Variants in KIDINS220 observed in about 807,000 individuals in gnomAD.
KIDINS220 encodes kinase D interacting substrate 220, also known as kinase D-interacting substrate of 220 kDa.
A neutral mutation model predicts 157.6 loss-of-function variants in KIDINS220; 63 were observed. The ratio of observed to expected loss-of-function variants is 0.40; its 90% CI spans 0.33 to 0.49. KIDINS220 has a LOEUF of 0.49. KIDINS220 is among the 20% of genes least tolerant of loss of function. The pLI, the probability that KIDINS220 is intolerant of heterozygous loss-of-function variation, is 0.66. For missense variants in KIDINS220, 1,772 were observed against 2,171.2 expected (o/e 0.82, Z 3.65); for synonymous variants, 732 against 783.6 (o/e 0.93, Z 1.10).
In KIDINS220 at chr2:8,770,789, C is replaced by T. The variant is rs754741657; in HGVS notation, c.2892G>A (p.Arg964=). ...CAGTAAGGTTGATCCAGCTAGCAAGCCTGTCCCAGTTGAAACTAATCTGAT... is the reference window on the plus strand; with the variant it reads ...CAGTAAGGTTGATCCAGCTAGCAAGTCTGTCCCAGTTGAAACTAATCTGAT... ...RANQISFNWD[R]LASWINLTEQ... is the part of the protein sequence containing the mutation. Residue 964 remains arginine (R), a synonymous_variant, in exon 22 of 30, where the codon AGG becomes AGA. Transcript: ENST00000256707. 5.0e-6 allele frequency: 8 copies of T among 1,611,660 alleles called. No individual in the cohort carries two copies. Among genetic ancestry groups the T allele is most frequent in the Non-Finnish European group, 6.8e-6 (8 of 1,178,708 alleles).
chr2:8,800,032 G>A (rs1445214505), intron 9 of KIDINS220, among the ~76,000 whole-genome samples: 1 of 151,994 alleles, frequency 6.6e-6, no homozygotes, highest in Non-Finnish European at 1.5e-5. Flanking sequence ...GGAGGAAGAA[G>A]ACAAAACAGG....
Position 8,750,283 on chromosome 2 carries a change from C to A in KIDINS220, c.3243G>T (p.Pro1081=). 6.2e-7 allele frequency: 1 copy of A among 1,612,942 alleles called. No individual in the cohort carries two copies. Among genetic ancestry groups the A allele is most frequent in the Non-Finnish European group, 8.5e-7 (1 of 1,179,458 alleles). ...TAGGAGGACCCTCATGTAGAGGGAG[C>A]GGGGGGTACGCCAGTCCTCCAATAC... ...QISIGGLAYP[P]LPLHEGPPRA... Residue 1081 remains proline, a synonymous_variant, in exon 24 of 30, where the codon CCG becomes CCT. Coordinates refer to ENST00000256707, the MANE Select transcript of KIDINS220 (RefSeq NM_020738.4).
chr2:8,820,099 C>A (rs549950395), intron 2 of KIDINS220, among the ~76,000 whole-genome samples: 1 of 152,248 alleles, frequency 6.6e-6, no homozygotes, highest in East Asian at 1.9e-4. Context: ...ACATCCTTAC[C>A]CAAGCTGACA....
At chr2:8,803,285 A>G (rs949157688) in intron 7 of KIDINS220, among the ~76,000 whole-genome samples, 158 bp from the exon 8 acceptor site, 1 of 152,220 alleles carries the variant, frequency 6.6e-6, no homozygotes, top group East Asian at 1.9e-4. Flanking sequence ...AATAAATAGC[A>G]AGAAACATAC....
chr2:8,831,803 T>C (rs879406918), intron 1 of KIDINS220, among the ~76,000 whole-genome samples: 4 of 152,164 alleles, frequency 2.6e-5, no homozygotes, highest in Non-Finnish European at 5.9e-5. Flanking sequence ...CTAACATAAA[T>C]GCAACAATTT....
chr2:8,724,593 T>A (rs1663160235), downstream of KIDINS220: 1 of 152,144 alleles, frequency 6.6e-6, no homozygotes, highest in African/African-American at 2.4e-5. This position sits in a 1 kb window ranked among gnomAD's most constrained non-coding sequence, Gnocchi z 4.6. Flanking sequence ...CTCTCAGAGT[T>A]GCCCCCCTAG....
chr2:8,800,586 A>AT (rs1181958685), intron 8 of KIDINS220, 88 bp from the exon 9 acceptor site: 5 of 963,652 alleles, frequency 5.2e-6, no homozygotes, highest in African/African-American at 3.3e-5. Context: ...ATGTTTTCAT[A>AT]TTTTTTTCTA....
At chr2:8,831,646 C>G (rs1192699736) in intron 1 of KIDINS220, among the ~76,000 whole-genome samples, 1 of 152,298 alleles carries the variant, frequency 6.6e-6, no homozygotes, top group East Asian at 1.9e-4. Flanking sequence ...ATTTTACTCA[C>G]TCTCTCCACA....
At position 8,785,768 on chromosome 2, in the gene KIDINS220, G is replaced by C. The variant is rs1672312981; in HGVS notation, c.2202C>G (p.His734Gln). The C allele has an allele frequency of 6.2e-7, 1 of 1,609,184 alleles. No homozygotes were observed. The highest frequency in any genetic ancestry group is 8.5e-7 in the Non-Finnish European group (1 of 1,178,926). The change falls in exon 17 of 30, where the codon CAC becomes CAG. Residue 734 changes from histidine to glutamine, a missense_variant. Physicochemically the swap from His to Gln is conservative, Grantham distance 24. Transcript: ENST00000256707. The stretch of plus-strand genomic sequence containing the variant: ...TCATGAATCCTTCACTTTTCAATTT[G>C]TGCAGTTTGGAGGCTGCATTATGGA... ...KRLHNAASKL[H>Q]KLKSEGFMKV... is the part of the protein sequence containing the mutation.
intron 1 of KIDINS220, among the ~76,000 whole-genome samples, chr2:8,836,726 C>A (rs992732430): frequency 2.6e-5 from 4 of 152,098 alleles, no homozygotes; most frequent in Non-Finnish European, 2.9e-5. Context: ...TGGACAGGAA[C>A]GAACCTGAAG....
In KIDINS220 at chr2:8,737,184, T is replaced by C. The variant is rs894641873; in HGVS notation, c.3586-185A>G. The C allele has an allele frequency of 2.2e-5, 12 of 544,810 alleles. No individual in the cohort carries two copies. In the Admixed American group the frequency reaches 2.3e-4, roughly 10 times the overall value. 33.7% of individuals were successfully genotyped at this position (544,810 alleles called of 1,614,324 possible). On this transcript the variant is annotated intron_variant, in intron 26 of 29. Transcript: ENST00000256707. ...TTAGTTACTGTTATAACCTAATGAG[T>C]AGCTTTTATTACAGCTGATACAGCC... is the stretch of plus-strand genomic sequence containing the variant.
intron 1 of KIDINS220, among the ~76,000 whole-genome samples, chr2:8,836,790 TA>T (rs1680475711): frequency 6.6e-6 from 1 of 152,150 alleles, no homozygotes; most frequent in Non-Finnish European, 1.5e-5. Context: ...TCTAAAACGC[TA>T]AGAAATCTAC....
chr2:8,827,804 ATAATT>A (rs1679035809), intron 1 of KIDINS220, among the ~76,000 whole-genome samples: 1 of 152,238 alleles, frequency 6.6e-6, no homozygotes, highest in East Asian at 1.9e-4. Context: ...CTAAATATAT[ATAATT>A]TGTCAATTAA....
At chr2:8,779,559 AG>A in intron 18 of KIDINS220, 114 bp downstream of exon 18, 1 of 1,053,724 alleles carries the variant, frequency 9.5e-7, no homozygotes. Flanking sequence ...ATCACAAAAT[AG>A]GAACTACTCA....
chr2:8,750,669 G>A (rs1007149850), intron 23 of KIDINS220, among the ~76,000 whole-genome samples: 26 of 152,162 alleles, frequency 1.7e-4, no homozygotes, highest in African/African-American at 6.3e-4. Context: ...ACGTTATCAA[G>A]TATTAATAAC....
intron 21 of KIDINS220, among the ~76,000 whole-genome samples, chr2:8,775,727 T>G (rs555555868): frequency 2.6e-5 from 4 of 152,268 alleles, no homozygotes; most frequent in African/African-American, 9.6e-5. Flanking sequence ...AATGGGGTAG[T>G]AGCTAGAGGC....
At chr2:8,799,091 G>C (rs920336649) in intron 9 of KIDINS220, among the ~76,000 whole-genome samples, 1 of 151,664 alleles carries the variant, frequency 6.6e-6, no homozygotes, top group Non-Finnish European at 1.5e-5. Context: ...GGCCCTACCC[G>C]CCTCCCATTT....
rs1390737793 is a variant in KIDINS220, at chr2:8,778,468, T to C, written c.2703+171A>G. 2.6e-5 allele frequency among the ~76,000 whole-genome samples: 4 copies of C among 152,244 alleles called. No homozygotes were observed. In the East Asian group the frequency reaches 7.7e-4, roughly 29 times the overall value. On this transcript the variant is annotated intron_variant, in intron 20 of 29. Transcript: ENST00000256707. The stretch of plus-strand genomic sequence containing the variant: ...ATACGAAGTACAGTTGTTAGGGTTC[T>C]AGGTGCAGACATTCCCTGAAACACA...
chr2:8,727,384 T>C (rs753627975), downstream of KIDINS220: 2 of 442,644 alleles, frequency 4.5e-6, no homozygotes, highest in South Asian at 8.8e-5. Flanking sequence ...CACTCGCCCA[T>C]GAAGGGGCAC....
Sources: allele counts gnomAD v4.1 joint callset (sites outside exome capture counted in the v4.1 genomes callset), GRCh38; gene constraint gnomAD v4.1.1; non-coding constraint Gnocchi (gnomAD v3.1); transcripts MANE v1.5; gene names NCBI Gene and HGNC (gene_info 2026-07-23, HGNC 2026-07-21).